Variants in MAPKAP1 observed in about 807,000 individuals in gnomAD.
The protein encoded by MAPKAP1 is MAPK associated protein 1, also known as target of rapamycin complex 2 subunit MAPKAP1.
A neutral mutation model predicts 65.7 loss-of-function variants in MAPKAP1; 20 were observed. The observed-to-expected ratio is 0.30, with a 90% CI of 0.21 to 0.44. The LOEUF is 0.44. Ranked by LOEUF, MAPKAP1 falls within the 20% of genes least tolerant of loss-of-function variation. The pLI is 1.00. For synonymous variants in MAPKAP1, 222 were observed against 244.3 expected (o/e 0.91, Z 0.85); for missense variants, 423 against 648.0 (o/e 0.65, Z 3.77).
chr9:125,651,237 G>C (rs1381057419), intron 4 of MAPKAP1, among the ~76,000 whole-genome samples: 2 of 152,192 alleles, frequency 1.3e-5, no homozygotes, highest in Non-Finnish European at 2.9e-5. Flanking sequence ...ATGAAAGGAA[G>C]ACTAGCAAAA....
chr9:125,605,897 G>A (rs1832426724), intron 4 of MAPKAP1, among the ~76,000 whole-genome samples: 1 of 152,178 alleles, frequency 6.6e-6, no homozygotes, highest in Non-Finnish European at 1.5e-5. Flanking sequence ...AGGCTTTCCT[G>A]AGAACTCAAA....
At chr9:125,583,099 T>C (rs747497113) in intron 5 of MAPKAP1, among the ~76,000 whole-genome samples, 7 of 152,244 alleles carry the variant, frequency 4.6e-5, no homozygotes, top group Admixed American at 2.6e-4. Context: ...GATGCTTATC[T>C]TGTTATTAAA....
At chr9:125,478,192 AGAG>A (rs962063471) in intron 9 of MAPKAP1, 1 of 152,256 alleles carries the variant, frequency 6.6e-6, no homozygotes, top group Non-Finnish European at 1.5e-5. Flanking sequence ...TCTAAAATAA[AGAG>A]GAGGAGGGTA....
At chr9:125,444,288 A>T (rs1355849800) in intron 11 of MAPKAP1, among the ~76,000 whole-genome samples, 1 of 152,266 alleles carries the variant, frequency 6.6e-6, no homozygotes, top group Non-Finnish European at 1.5e-5. Flanking sequence ...TGACTGAAGC[A>T]GGTGCAGAGC....
At chr9:125,478,078 A>G (rs1411901534) in intron 9 of MAPKAP1, 1 of 152,244 alleles carries the variant, frequency 6.6e-6, no homozygotes, top group Non-Finnish European at 1.5e-5. Context: ...TTTAAGAATT[A>G]CCTTCAATTG....
chr9:125,691,694 A>AG (rs1292136165), intron 1 of MAPKAP1, among the ~76,000 whole-genome samples: 2 of 152,202 alleles, frequency 1.3e-5, no homozygotes, highest in African/African-American at 2.4e-5. Context: ...AAAAAAAAAA[A>AG]GTCAATCTTT....
At chr9:125,558,039 T>C (rs988230651) in intron 6 of MAPKAP1, among the ~76,000 whole-genome samples, 15 of 152,130 alleles carry the variant, frequency 9.9e-5, no homozygotes, top group African/African-American at 3.4e-4. Context: ...GTATTTTTAG[T>C]AGAGACGGGG....
chr9:125,673,428 G>A (rs1834552549), intron 1 of MAPKAP1, among the ~76,000 whole-genome samples: 1 of 152,112 alleles, frequency 6.6e-6, no homozygotes, highest in Non-Finnish European at 1.5e-5. Context: ...GTTTCTCCAT[G>A]TTGGTCAGGC....
At chr9:125,652,192 G>C (rs1564602503) in intron 4 of MAPKAP1, 1 of 1,317,434 alleles carries the variant, frequency 7.6e-7, no homozygotes, top group Non-Finnish European at 1.0e-6. Flanking sequence ...TTTGAAGAGA[G>C]CTATTTAATG....
At chr9:125,506,480 AAAC>A (rs1829146656) in intron 7 of MAPKAP1, 63 bp from the exon 8 acceptor site, 1 of 1,310,248 alleles carries the variant, frequency 7.6e-7, no homozygotes, top group African/African-American at 1.4e-5. Context: ...AACATTTAAA[AAAC>A]ACCACATACT....
chr9:125,602,534 T>C (rs1832328361), intron 4 of MAPKAP1, among the ~76,000 whole-genome samples: 1 of 151,748 alleles, frequency 6.6e-6, no homozygotes, highest in Non-Finnish European at 1.5e-5. Flanking sequence ...TTCAATTAGG[T>C]AGTCAGCAAA....
chr9:125,598,105 G>A (rs1470374505), intron 4 of MAPKAP1, among the ~76,000 whole-genome samples: 1 of 150,892 alleles, frequency 6.6e-6, no homozygotes, highest in Non-Finnish European at 1.5e-5. Flanking sequence ...CACCAGAATT[G>A]TAACATTTTG....
chr9:125,696,625 A>T (rs1291192023), intron 1 of MAPKAP1, among the ~76,000 whole-genome samples: 4 of 152,090 alleles, frequency 2.6e-5, no homozygotes, highest in African/African-American at 4.8e-5. Flanking sequence ...AAAAACAAAA[A>T]ACCTTAAGCT....
chr9:125,547,300 GA>G (rs1830454618), intron 6 of MAPKAP1, among the ~76,000 whole-genome samples: 1 of 152,130 alleles, frequency 6.6e-6, no homozygotes, highest in Non-Finnish European at 1.5e-5. Context: ...CTATCTTTAG[GA>G]ACAGAGCTGG....
At chr9:125,693,310 C>G (rs1835223773) in intron 1 of MAPKAP1, among the ~76,000 whole-genome samples, 1 of 151,360 alleles carries the variant, frequency 6.6e-6, no homozygotes, top group Non-Finnish European at 1.5e-5. Flanking sequence ...GCTACTCGGG[C>G]AGCTGAGGCA....
intron 3 of MAPKAP1, among the ~76,000 whole-genome samples, chr9:125,662,943 A>T (rs962111923): frequency 1.3e-5 from 2 of 152,176 alleles, no homozygotes; most frequent in African/African-American, 2.4e-5. Flanking sequence ...CTGGTAGTAA[A>T]ATGTATAAAT....
chr9:125,705,019 T>C lies in MAPKAP1; in HGVS notation c.-70+1952A>G, dbSNP rs185171059. The stretch of plus-strand genomic sequence containing the variant: ...ATCCAGAGTCCATGCCTATTTTCTA[T>C]AGACTGTCTTCTCTGCTCATATTCA... On this transcript the variant is annotated intron_variant, in intron 1 of 11. Coordinates refer to ENST00000265960, the MANE Select transcript of MAPKAP1 (RefSeq NM_001006617.3). 1.7e-3 allele frequency among the ~76,000 whole-genome samples: 261 copies of C among 152,342 alleles called. 1 individual carries two copies. The highest frequency in any genetic ancestry group is 6.1e-3 in the African/African-American group (254 of 41,570).
At chr9:125,705,165 G>A (rs750359397) in intron 1 of MAPKAP1, among the ~76,000 whole-genome samples, 4 of 152,018 alleles carry the variant, frequency 2.6e-5, no homozygotes, top group Non-Finnish European at 5.9e-5. Context: ...ATAACTTTTG[G>A]TTTCAATATG....
Position 125,697,667 on chromosome 9 carries a change from G to A in MAPKAP1, c.-70+9304C>T, listed in dbSNP as rs745800978. Among the ~76,000 whole-genome samples the A allele has an allele frequency of 2.0e-5, 3 of 152,026 alleles. No homozygotes were observed. The South Asian group carries it at 6.2e-4, about 32-fold the overall frequency. On this transcript the variant is annotated intron_variant, in intron 1 of 11. Coordinates refer to ENST00000265960, the MANE Select transcript of MAPKAP1 (RefSeq NM_001006617.3). ...ACATCTTTGAACACGAATATCTTTC[G>A]ACATCTCTGATTTCTTTAATAAAGA...
Sources: allele counts gnomAD v4.1 joint callset (sites outside exome capture counted in the v4.1 genomes callset), GRCh38; gene constraint gnomAD v4.1.1; transcripts MANE v1.5; gene names NCBI Gene and HGNC (gene_info 2026-07-23, HGNC 2026-07-21).